NBAS: variants seen among roughly 807,000 people sequenced by gnomAD.
NBAS encodes the protein NBAS subunit of NRZ tethering complex.
A neutral mutation model predicts 302.5 loss-of-function variants in NBAS; 219 were observed. The ratio of observed to expected loss-of-function variants is 0.72; its 90% CI spans 0.65 to 0.81. The LOEUF is 0.81. NBAS is among the 30% of genes least tolerant of loss of function. The pLI, the probability that NBAS is intolerant of heterozygous loss-of-function variation, is 0.00. For missense variants in NBAS, 2,932 were observed against 2,841.6 expected, an observed-to-expected ratio of 1.03 and a Z score of -0.72; for synonymous variants, 1,118 against 1,021.6, an observed-to-expected ratio of 1.09 and a Z score of -1.80.
chr2:14,948,731 G>A, the NBAS span, among the ~76,000 whole-genome samples: 1 of 151,098 alleles, frequency 6.6e-6, no homozygotes, highest in African/African-American at 2.4e-5. Context: ...CACAGAAATA[G>A]AAAAAAAAAT....
At chr2:14,811,327 T>G in the NBAS span, among the ~76,000 whole-genome samples, 1 of 152,156 alleles carries the variant, frequency 6.6e-6, no homozygotes, top group East Asian at 1.9e-4. Flanking sequence ...GGAGGATCCA[T>G]TGAGCCCAGG....
the NBAS span, among the ~76,000 whole-genome samples, chr2:14,858,533 A>G: frequency 6.6e-6 from 1 of 152,074 alleles, no homozygotes; most frequent in Non-Finnish European, 1.5e-5. Flanking sequence ...ACTGGAGATC[A>G]TTATGTTTAA....
the NBAS span, among the ~76,000 whole-genome samples, chr2:14,913,936 A>C: frequency 9.8e-5 from 15 of 152,312 alleles, no homozygotes; most frequent in African/African-American, 3.4e-4. Flanking sequence ...CACACTGTTG[A>C]TAAAGATATA....
the NBAS span, among the ~76,000 whole-genome samples, chr2:15,068,358 C>A: frequency 6.6e-6 from 1 of 152,074 alleles, no homozygotes; most frequent in Non-Finnish European, 1.5e-5. Flanking sequence ...AGGCATCCAA[C>A]GTAGGAAGGA....
intron 31 of NBAS, among the ~76,000 whole-genome samples, chr2:15,368,900 A>G (rs1192004905): frequency 1.3e-5 from 2 of 152,224 alleles, no homozygotes; most frequent in African/African-American, 4.8e-5. Flanking sequence ...GATTGTGAGC[A>G]AGGAATAAGC....
In NBAS at chr2:15,473,333, C is replaced by T. The variant is rs144523752; in HGVS notation, c.1614G>A (p.Glu538=). ...ELYQRKIESE[E]YEEALSLAHT... is the part of the protein sequence containing the mutation. Reference sequence around the variant, plus strand: ...GAGCCAAGGACAAGGCTTCCTCATACTCTTCACTTTCAATCTTCAGATAAA... The same window carrying T: ...GAGCCAAGGACAAGGCTTCCTCATATTCTTCACTTTCAATCTTCAGATAAA... The change falls in exon 16 of 52, where the codon GAG becomes GAA. Residue 538 remains glutamate (E), a synonymous_variant. Coordinates refer to ENST00000281513, the MANE Select transcript of NBAS (RefSeq NM_015909.4). The T allele has an allele frequency of 2.1e-4, 334 of 1,613,914 alleles. No individual in the cohort carries two copies. In the African/African-American group the frequency reaches 3.9e-3, roughly 19 times the overall value.
At chr2:15,546,466 C>T (rs575396919) in intron 6 of NBAS, among the ~76,000 whole-genome samples, 7 of 152,068 alleles carry the variant, frequency 4.6e-5, no homozygotes, top group African/African-American at 9.6e-5. Context: ...TGGTGGCTCA[C>T]GCCTGTAAGC....
At chr2:14,988,916 G>C in the NBAS span, among the ~76,000 whole-genome samples, 1,771 of 152,206 alleles carry the variant, frequency 0.012, 37 homozygotes, top group African/African-American at 0.038. Flanking sequence ...AGTGAGGTTA[G>C]AAGTAACCTC....
chr2:15,432,873 T>C (rs1186998865), intron 21 of NBAS, among the ~76,000 whole-genome samples: 1 of 152,220 alleles, frequency 6.6e-6, no homozygotes, highest in African/African-American at 2.4e-5. Context: ...GAAGGCATTA[T>C]TCAGAGCTCT....
the NBAS span, among the ~76,000 whole-genome samples, chr2:14,827,006 A>T: frequency 6.6e-6 from 1 of 152,240 alleles, no homozygotes; most frequent in African/African-American, 2.4e-5. Context: ...GTTAAAGGTC[A>T]CATTGCACCC....
At chr2:15,234,471 C>T (rs1290309518) in intron 46 of NBAS, 74 bp downstream of exon 46, 15 of 1,467,980 alleles carry the variant, frequency 1.0e-5, no homozygotes, top group Middle Eastern at 1.7e-4. Context: ...CTTTTACATA[C>T]AGGATGACAG....
chr2:15,550,406 A>G (rs917051969), intron 6 of NBAS, among the ~76,000 whole-genome samples: 1 of 152,190 alleles, frequency 6.6e-6, no homozygotes, highest in African/African-American at 2.4e-5. Flanking sequence ...AACACTATAA[A>G]TGTTTGTCAT....
chr2:15,525,101 C>A (rs1348855931), intron 9 of NBAS, among the ~76,000 whole-genome samples: 1 of 152,178 alleles, frequency 6.6e-6, no homozygotes, highest in Non-Finnish European at 1.5e-5. Flanking sequence ...AATGACCGTC[C>A]AGTTTCTGAA....
Position 15,330,596 on chromosome 2 carries a change from A to G in NBAS, c.4347+2T>C, listed in dbSNP as rs764292893. On this transcript the variant is annotated splice_donor_variant, in intron 36 of 51. Coordinates refer to ENST00000281513, the MANE Select transcript of NBAS (RefSeq NM_015909.4). LOFTEE classifies it high-confidence loss of function. ...TTTTAAAAAGAAAGATGCACTGCTT[A>G]CCTGAAGGGGTCGAAGGTAAGTTAA... 7.4e-6 allele frequency: 12 copies of G among 1,613,652 alleles called. No homozygotes were observed. Among genetic ancestry groups the G allele is most frequent in the Admixed American group, 1.7e-5 (1 of 59,964 alleles).
chr2:14,920,039 C>A, the NBAS span, among the ~76,000 whole-genome samples: 1 of 152,182 alleles, frequency 6.6e-6, no homozygotes, highest in Non-Finnish European at 1.5e-5. Flanking sequence ...CAAGGCCCAT[C>A]AGGGAAATCA....
the NBAS span, among the ~76,000 whole-genome samples, chr2:14,832,063 C>A: frequency 6.6e-6 from 1 of 152,088 alleles, no homozygotes; most frequent in Non-Finnish European, 1.5e-5. Flanking sequence ...AATGAGAGAT[C>A]TGCTATTGTT....
intron 44 of NBAS, among the ~76,000 whole-genome samples, chr2:15,248,333 T>C (rs1668199808): frequency 6.6e-6 from 1 of 152,146 alleles, no homozygotes; most frequent in Non-Finnish European, 1.5e-5. Flanking sequence ...TAACACTAAA[T>C]GACCACAGAA....
the NBAS span, among the ~76,000 whole-genome samples, chr2:14,852,637 A>G: frequency 1.4e-5 from 2 of 140,380 alleles, no homozygotes; most frequent in East Asian, 4.1e-4. Flanking sequence ...CAAAAGAACA[A>G]AGCTGGAGGC....
At chr2:15,114,245 C>G in the NBAS span, among the ~76,000 whole-genome samples, 1 of 152,176 alleles carries the variant, frequency 6.6e-6, no homozygotes, top group Non-Finnish European at 1.5e-5. Flanking sequence ...TTCCTCACAG[C>G]TCTGAATGCT....
Sources: allele counts gnomAD v4.1 joint callset (sites outside exome capture counted in the v4.1 genomes callset), GRCh38; gene constraint gnomAD v4.1.1; transcripts MANE v1.5; gene names NCBI Gene and HGNC (gene_info 2026-07-23, HGNC 2026-07-21).